SLX4IP: variants seen among roughly 807,000 people sequenced by gnomAD.
SLX4IP encodes protein SLX4IP.
Under a neutral mutation model 32.9 loss-of-function variants are expected in SLX4IP, and 34 were observed. The observed-to-expected ratio is 1.03, with a 90% CI of 0.79 to 1.38. SLX4IP has a LOEUF of 1.38. Among genes scored for constraint, SLX4IP ranks in the 40% most tolerant of loss-of-function variants. The probability of loss-of-function intolerance (pLI) is 0.00; values close to 1 mark genes in which losing one functional copy is unlikely to be tolerated. For missense variants in SLX4IP, 444 were observed against 479.0 expected, an observed-to-expected ratio of 0.93 and a Z score of 0.68; for synonymous variants, 172 against 171.7, an observed-to-expected ratio of 1.00 and a Z score of -0.01.
chr20:10,498,410 C>T (rs1190257002), intron 2 of SLX4IP, among the ~76,000 whole-genome samples: 1 of 152,002 alleles, frequency 6.6e-6, no homozygotes, highest in Non-Finnish European at 1.5e-5. Context: ...AATGGAACTT[C>T]CCACTGCCCC....
At position 10,507,877 on chromosome 20, in the gene SLX4IP, AC is replaced by A. The variant is rs529646166; in HGVS notation, c.28-48353del. The stretch of plus-strand genomic sequence containing the variant: ...TTCTCTGTGAATACTTAAAAGGCAT[AC>A]AAGGAGCAGAGGGATACAGTCTCCT... On this transcript the variant is annotated intron_variant, in intron 2 of 7. Coordinates refer to ENST00000334534, the MANE Select transcript of SLX4IP (RefSeq NM_001009608.3). 3.9e-3 allele frequency among the ~76,000 whole-genome samples: 589 copies of A among 151,446 alleles called. 7 individuals are homozygous for A. Among genetic ancestry groups the A allele is most frequent in the Non-Finnish European group, 5.3e-3 (360 of 67,898 alleles).
intron 2 of SLX4IP, among the ~76,000 whole-genome samples, chr20:10,468,062 A>T (rs556331455): frequency 6.6e-6 from 1 of 152,258 alleles, no homozygotes; most frequent in East Asian, 1.9e-4. Context: ...TTCTGCCTAC[A>T]TTGATCCCTA....
intron 2 of SLX4IP, among the ~76,000 whole-genome samples, chr20:10,486,765 G>A (rs1203633197): frequency 1.3e-5 from 2 of 152,254 alleles, no homozygotes; most frequent in Middle Eastern, 3.4e-3. Context: ...ATAGTTAATA[G>A]CCCTTCAAAT....
At chr20:10,600,361 G>C (rs1026572654) in intron 5 of SLX4IP, among the ~76,000 whole-genome samples, 1 of 152,180 alleles carries the variant, frequency 6.6e-6, no homozygotes, top group Non-Finnish European at 1.5e-5. Flanking sequence ...ATCATGGAGG[G>C]CTTTGAATAT....
chr20:10,455,273 T>G (rs1309394973), intron 1 of SLX4IP, among the ~76,000 whole-genome samples: 1 of 152,164 alleles, frequency 6.6e-6, no homozygotes, highest in African/African-American at 2.4e-5. Flanking sequence ...TGTTTTGGTA[T>G]CATATCTAAG....
chr20:10,538,011 T>C (rs1337188478), intron 2 of SLX4IP, among the ~76,000 whole-genome samples: 4 of 152,196 alleles, frequency 2.6e-5, no homozygotes, highest in African/African-American at 9.7e-5. Flanking sequence ...GGCCAGGTGA[T>C]GAATCATGGA....
At chr20:10,597,816 A>G (rs2066789494) in intron 4 of SLX4IP, among the ~76,000 whole-genome samples, 1 of 152,192 alleles carries the variant, frequency 6.6e-6, no homozygotes, top group South Asian at 2.1e-4. Flanking sequence ...CCAGCAGCGT[A>G]TGAGAATTCC....
chr20:10,559,087 T>G (rs1197782692), intron 3 of SLX4IP, among the ~76,000 whole-genome samples: 1 of 152,212 alleles, frequency 6.6e-6, no homozygotes, highest in Admixed American at 6.5e-5. Context: ...CCAGTCATAG[T>G]TGAACTCTGC....
At chr20:10,473,911 C>T (rs1282269588) in intron 2 of SLX4IP, among the ~76,000 whole-genome samples, 1 of 152,072 alleles carries the variant, frequency 6.6e-6, no homozygotes, top group Non-Finnish European at 1.5e-5. Flanking sequence ...CAACCTCCGC[C>T]TCATGGGTTC....
At chr20:10,556,639 C>A (rs942960547) in intron 3 of SLX4IP, among the ~76,000 whole-genome samples, 1 of 152,170 alleles carries the variant, frequency 6.6e-6, no homozygotes, top group African/African-American at 2.4e-5. Flanking sequence ...TTTCAGTAAT[C>A]AGGGATTTTA....
chr20:10,562,271 G>C lies in SLX4IP; in HGVS notation c.238+1451G>C, dbSNP rs575170381. 3.3e-5 allele frequency among the ~76,000 whole-genome samples: 5 copies of C among 152,254 alleles called. No homozygotes were observed. In the South Asian group the frequency reaches 1.0e-3, roughly 32 times the overall value. Reference sequence around the variant, plus strand: ...ACGTGGGCTTGGAGAATGGGTGCAAGGTTTTACTGAGTGGAGGTGGCTCTC... The same window carrying C: ...ACGTGGGCTTGGAGAATGGGTGCAACGTTTTACTGAGTGGAGGTGGCTCTC... On this transcript the variant is annotated intron_variant, in intron 4 of 7. Transcript: ENST00000334534.
At chr20:10,479,663 A>G (rs1379098618) in intron 2 of SLX4IP, among the ~76,000 whole-genome samples, 5 of 144,732 alleles carry the variant, frequency 3.5e-5, no homozygotes, top group African/African-American at 1.3e-4. Context: ...GCATATTTCT[A>G]TTACTGTTAA....
chr20:10,626,045 C>CG lies in SLX4IP; in HGVS notation c.*2667dup, dbSNP rs1307425978. 1 of 128,706 alleles carries CG rather than the reference C, an allele frequency of 7.8e-6. No homozygotes were observed. The highest frequency in any genetic ancestry group is 1.6e-5 in the Non-Finnish European group (1 of 63,324). 8.0% of individuals were successfully genotyped at this position (128,706 alleles called of 1,614,324 possible). On this transcript the variant is annotated 3_prime_UTR_variant, in exon 8 of 8. Transcript: ENST00000334534. ...TTTTTTTTTTTTTGAGACAGAGTCTCGCTCTGTCGCCCAGGCTGGAGTGCA... is the reference window on the plus strand; with the variant it reads ...TTTTTTTTTTTTTGAGACAGAGTCTCGGCTCTGTCGCCCAGGCTGGAGTGCA...
rs528831145 is a variant in SLX4IP, at chr20:10,449,788, G to C, written c.-29-8388G>C. 1.3e-4 allele frequency among the ~76,000 whole-genome samples: 20 copies of C among 152,150 alleles called. No homozygotes were observed. In the East Asian group the frequency reaches 3.5e-3, roughly 26 times the overall value. On this transcript the variant is annotated intron_variant, in intron 1 of 7. Coordinates refer to ENST00000334534, the MANE Select transcript of SLX4IP (RefSeq NM_001009608.3). ...ATATAGATTTCATTCTTCCCAGGTA[G>C]CCTATTTTACATTGTCAGACCATAT...
At chr20:10,587,932 T>C (rs1206655810) in intron 4 of SLX4IP, among the ~76,000 whole-genome samples, 4 of 152,174 alleles carry the variant, frequency 2.6e-5, no homozygotes, top group African/African-American at 9.6e-5. Flanking sequence ...ACATTGGTCC[T>C]GACAATGATT....
intron 2 of SLX4IP, among the ~76,000 whole-genome samples, chr20:10,553,681 C>G (rs919548261): frequency 6.6e-6 from 1 of 152,188 alleles, no homozygotes; most frequent in Admixed American, 6.5e-5. Context: ...TCCATCATAA[C>G]TGAGTACACA....
At chr20:10,550,749 G>A (rs1225328627) in intron 2 of SLX4IP, among the ~76,000 whole-genome samples, 4 of 152,278 alleles carry the variant, frequency 2.6e-5, no homozygotes, top group Admixed American at 2.0e-4. Flanking sequence ...TCCAAAGCAC[G>A]CGAGCTCTTT....
chr20:10,579,430 C>CT lies in SLX4IP; in HGVS notation c.238+18618dup, dbSNP rs1010052153. Among the ~76,000 whole-genome samples, 9 of 150,528 alleles carry CT rather than the reference C, an allele frequency of 6.0e-5. No homozygotes were observed. In the South Asian group the frequency reaches 6.3e-4, roughly 11 times the overall value. Reference sequence around the variant, plus strand: ...GTTTCTTTTTTTTCTTTTCTTTTTTCTTTTTTTTCTTTTTTCAGACAGAGT... The same window carrying CT: ...GTTTCTTTTTTTTCTTTTCTTTTTTCTTTTTTTTTCTTTTTTCAGACAGAGT... On this transcript the variant is annotated intron_variant, in intron 4 of 7. Transcript: ENST00000334534.
At chr20:10,537,741 T>A (rs997799692) in intron 2 of SLX4IP, among the ~76,000 whole-genome samples, 1 of 152,234 alleles carries the variant, frequency 6.6e-6, no homozygotes, top group African/African-American at 2.4e-5. Context: ...TTTACCCTTA[T>A]GCAAATGCCC....
Sources: gnomAD v4.1 joint callset for allele counts (sites outside exome capture counted in the v4.1 genomes callset) on GRCh38, gnomAD v4.1.1 for gene constraint, MANE v1.5 for transcripts, NCBI Gene and HGNC (gene_info 2026-07-23, HGNC 2026-07-21) for gene names.